Variants in SLC12A7 observed in about 807,000 individuals in gnomAD.
The protein encoded by SLC12A7 is K-Cl cotransporter 4.
A neutral mutation model predicts 120.6 loss-of-function variants in SLC12A7; 100 were observed. The observed-to-expected ratio is 0.83, with a 90% CI of 0.71 to 0.98. The LOEUF (loss-of-function observed/expected upper bound fraction) is 0.98. SLC12A7 is among the 50% of genes least tolerant of loss of function. The pLI is 0.00. For synonymous variants in SLC12A7, 760 were observed against 678.0 expected, an observed-to-expected ratio of 1.12 and a Z score of -1.88; for missense variants, 1,373 against 1,548.1, an observed-to-expected ratio of 0.89 and a Z score of 1.90.
In SLC12A7 at chr5:1,051,198, C is replaced by T. The variant is rs111898586; in HGVS notation, c.*1162G>A. On this transcript the variant is annotated 3_prime_UTR_variant, in exon 24 of 24. Transcript: ENST00000264930. ...TTGAAAGCTATCTCTTCAGTGCCACCGCCGCCTCCATGCAAGGCACAGGCC... is the reference window on the plus strand; with the variant it reads ...TTGAAAGCTATCTCTTCAGTGCCACTGCCGCCTCCATGCAAGGCACAGGCC... The T allele has an allele frequency of 9.3e-4, 325 of 348,756 alleles. 2 individuals are homozygous for T. Among genetic ancestry groups the T allele is most frequent in the African/African-American group, 6.1e-3 (291 of 47,732 alleles). The allele number at this position is 348,756 out of a possible 1,614,324, so 21.6% of individuals were successfully genotyped here.
At chr5:1,100,291 C>T (rs967305214) in intron 1 of SLC12A7, among the ~76,000 whole-genome samples, 4 of 152,220 alleles carry the variant, frequency 2.6e-5, no homozygotes, top group South Asian at 2.1e-4. Flanking sequence ...TCTGCAGACA[C>T]GCCGTCGGAA....
intron 13 of SLC12A7, among the ~76,000 whole-genome samples, chr5:1,076,455 G>A (rs1221699739): frequency 4.1e-5 from 3 of 72,806 alleles, no homozygotes; most frequent in South Asian, 4.8e-4. Flanking sequence ...ATGGGCCATC[G>A]TCCCTTCCCC....
intron 6 of SLC12A7, 139 bp downstream of exon 6, chr5:1,086,764 G>A (rs1739902912): frequency 8.4e-7 from 1 of 1,188,176 alleles, no homozygotes; most frequent in Non-Finnish European, 1.2e-6. Flanking sequence ...CCAGAGCCCA[G>A]GAGAGCCCAG....
intron 20 of SLC12A7, chr5:1,062,992 G>A (rs1736472720): frequency 6.5e-6 from 1 of 153,226 alleles, no homozygotes; most frequent in Non-Finnish European, 1.5e-5. Flanking sequence ...AGCAGGACCG[G>A]AGGGGAAGGC....
chr5:1,136,301 GAC>G, the SLC12A7 span, among the ~76,000 whole-genome samples: 2 of 152,040 alleles, frequency 1.3e-5, no homozygotes, highest in African/African-American at 2.4e-5. Context: ...AGACACGACT[GAC>G]ACACAGACAT....
Position 1,100,348 on chromosome 5 carries a change from T to G in SLC12A7, c.125-6100A>C, listed in dbSNP as rs374688673. 6.7e-4 allele frequency among the ~76,000 whole-genome samples: 102 copies of G among 152,208 alleles called. 1 individual carries two copies. Among genetic ancestry groups the G allele is most frequent in the African/African-American group, 2.3e-3 (94 of 41,538 alleles). On this transcript the variant is annotated intron_variant, in intron 1 of 23. Coordinates refer to ENST00000264930, the MANE Select transcript of SLC12A7 (RefSeq NM_006598.3). ...CCAGAGTCACTGGGAAAGAAGCCCA[T>G]GTAAAGGCCGCCTGGCCCCTGGGCC...
chr5:1,140,762 A>T, the SLC12A7 span, among the ~76,000 whole-genome samples: 4 of 152,056 alleles, frequency 2.6e-5, no homozygotes, highest in African/African-American at 9.7e-5. Flanking sequence ...GGGTGCAGGG[A>T]AGGGAGATTC....
chr5:1,091,021 G>A (rs1407923475), intron 3 of SLC12A7, among the ~76,000 whole-genome samples: 1 of 152,166 alleles, frequency 6.6e-6, no homozygotes, highest in East Asian at 1.9e-4. Flanking sequence ...GGAGCCGAAG[G>A]AGTCACTGCC....
intron 17 of SLC12A7, among the ~76,000 whole-genome samples, chr5:1,069,511 C>T (rs1030336552): frequency 6.6e-5 from 10 of 152,216 alleles, no homozygotes; most frequent in South Asian, 2.1e-4. Flanking sequence ...AGGGGGCACC[C>T]GCATGGGAGG....
the SLC12A7 span, among the ~76,000 whole-genome samples, chr5:1,138,463 A>G: frequency 2.0e-5 from 3 of 152,314 alleles, no homozygotes; most frequent in East Asian, 1.9e-4. Flanking sequence ...TTAGCTAGAC[A>G]GAAAAGTTCT....
intron 4 of SLC12A7, 29 bp from the exon 5 acceptor site, chr5:1,088,389 A>C: frequency 6.4e-7 from 1 of 1,560,882 alleles, no homozygotes; most frequent in Non-Finnish European, 8.7e-7. Flanking sequence ...CCATCTGAGG[A>C]GAGTTTTCCA....
intron 17 of SLC12A7, 22 bp downstream of exon 17, chr5:1,073,611 C>A: frequency 6.3e-7 from 1 of 1,589,970 alleles, no homozygotes; most frequent in Non-Finnish European, 8.5e-7. Flanking sequence ...GAGGCCTGGC[C>A]CCCAGACCCC....
chr5:1,145,875 A>C, the SLC12A7 span, among the ~76,000 whole-genome samples: 1 of 152,104 alleles, frequency 6.6e-6, no homozygotes, highest in Admixed American at 6.5e-5. This position sits in a 1 kb window ranked among gnomAD's most constrained non-coding sequence, Gnocchi z 4.4. Flanking sequence ...AATACACATA[A>C]CATTTTACCA....
the SLC12A7 span, among the ~76,000 whole-genome samples, chr5:1,140,393 C>T: frequency 2.6e-5 from 4 of 152,232 alleles, no homozygotes; most frequent in Non-Finnish European, 4.4e-5. Context: ...GTTCTGTTCC[C>T]CCCCACCGGG....
chr5:1,100,078 G>A (rs1040983420), intron 1 of SLC12A7, among the ~76,000 whole-genome samples: 36 of 152,206 alleles, frequency 2.4e-4, no homozygotes, highest in African/African-American at 7.5e-4. Context: ...CTACCCGGCC[G>A]GGCTGGGCTC....
rs777006874 is a variant in SLC12A7 at position 1,078,776 on chromosome 5, G to A, written c.1397-18C>T. The A allele has an allele frequency of 1.9e-6, 3 of 1,601,322 alleles. No homozygotes were observed. The highest frequency in any genetic ancestry group is 2.6e-6 in the Non-Finnish European group (3 of 1,172,714). Reference sequence around the variant, plus strand: ...GGAGAGATCCACAGCCCTCGTCAAGGAAAGGCAGGTCCGTGGGTGCAGGGT... The same window carrying A: ...GGAGAGATCCACAGCCCTCGTCAAGAAAAGGCAGGTCCGTGGGTGCAGGGT... On this transcript the variant is annotated intron_variant, in intron 10 of 23. Transcript: ENST00000264930.
chr5:1,084,168 C>T (rs1739544918), intron 7 of SLC12A7, among the ~76,000 whole-genome samples: 1 of 151,976 alleles, frequency 6.6e-6, no homozygotes, highest in South Asian at 2.1e-4. Context: ...ACACTGGGGA[C>T]CGGGGACTGG....
At chr5:1,085,619 C>CG (rs1042285260) in intron 6 of SLC12A7, 146 bp from the exon 7 acceptor site, 2 of 1,205,810 alleles carry the variant, frequency 1.7e-6, no homozygotes, top group African/African-American at 3.2e-5. Context: ...ACGGAGCCCG[C>CG]GGGGGTCAGC....
chr5:1,078,835 G>T, intron 10 of SLC12A7, 77 bp from the exon 11 acceptor site: 1 of 634,264 alleles, frequency 1.6e-6, no homozygotes. Context: ...GGGTGGGGTG[G>T]GGTGGGTGGG....
Sources: gnomAD v4.1 joint callset for allele counts (sites outside exome capture counted in the v4.1 genomes callset) on GRCh38, gnomAD v4.1.1 for gene constraint, Gnocchi (gnomAD v3.1) non-coding constraint, MANE v1.5 for transcripts, NCBI Gene and HGNC (gene_info 2026-07-23, HGNC 2026-07-21) for gene names.